The following ROBO2 variants were observed in gnomAD, a reference collection of about 807,000 sequenced individuals.
The protein encoded by ROBO2 is roundabout guidance receptor 2.
ROBO2 carries 53 observed loss-of-function variants against 160.8 expected under a neutral mutation model. The observed-to-expected ratio is 0.33, with a 90% CI of 0.26 to 0.41. The LOEUF is 0.41. ROBO2 is among the 10% of genes least tolerant of loss of function. The pLI, the probability that ROBO2 is intolerant of heterozygous loss-of-function variation, is 1.00. For missense variants in ROBO2, 1,577 were observed against 1,722.4 expected, an observed-to-expected ratio of 0.92 and a Z score of 1.49; for synonymous variants, 664 against 611.7, an observed-to-expected ratio of 1.09 and a Z score of -1.26.
intron 2 of ROBO2, among the ~76,000 whole-genome samples, chr3:77,277,993 C>G (rs2060002059): frequency 6.6e-6 from 1 of 152,112 alleles, no homozygotes; most frequent in Non-Finnish European, 1.5e-5. Flanking sequence ...TTTTAATAAT[C>G]ACCATTCTGA....
intron 2 of ROBO2, among the ~76,000 whole-genome samples, chr3:76,686,389 A>C (rs2092686173): frequency 6.6e-6 from 1 of 152,120 alleles, no homozygotes; most frequent in Admixed American, 6.6e-5. Flanking sequence ...AATTACTTAA[A>C]AAGAATCCAT....
At chr3:77,585,118 C>T (rs1033956183) in intron 16 of ROBO2, among the ~76,000 whole-genome samples, 2 of 150,978 alleles carry the variant, frequency 1.3e-5, no homozygotes, top group South Asian at 2.1e-4. Context: ...TGTCAAATAA[C>T]GTATTTTCCT....
intron 2 of ROBO2, among the ~76,000 whole-genome samples, chr3:76,775,266 A>G (rs1190822083): frequency 6.6e-6 from 1 of 150,702 alleles, no homozygotes; most frequent in Non-Finnish European, 1.5e-5. Context: ...GCGCATCTTG[A>G]AGTTATATAA....
At chr3:76,484,101 G>A (rs138860274) in intron 2 of ROBO2, among the ~76,000 whole-genome samples, 6 of 152,144 alleles carry the variant, frequency 3.9e-5, no homozygotes, top group African/African-American at 1.4e-4. Context: ...TTGCTGTGTC[G>A]AATGATATTT....
chr3:76,822,406 C>G (rs1334392203), intron 2 of ROBO2, among the ~76,000 whole-genome samples: 1 of 151,798 alleles, frequency 6.6e-6, no homozygotes, highest in African/African-American at 2.4e-5. Flanking sequence ...AATTTTATTA[C>G]TATAACAATG....
chr3:76,831,522 A>G (rs1271816361), intron 2 of ROBO2, among the ~76,000 whole-genome samples: 1 of 152,142 alleles, frequency 6.6e-6, no homozygotes, highest in Non-Finnish European at 1.5e-5. Flanking sequence ...ATATGAGGCC[A>G]TGTTTTTCAG....
intron 2 of ROBO2, among the ~76,000 whole-genome samples, chr3:76,355,783 ATT>A (rs1237860967): frequency 2.0e-5 from 3 of 151,710 alleles, no homozygotes; most frequent in Non-Finnish European, 3.0e-5. Flanking sequence ...GGGAGCTACG[ATT>A]TTTTTGGTGA....
intron 2 of ROBO2, among the ~76,000 whole-genome samples, chr3:76,461,955 T>C (rs1328051026): frequency 6.6e-6 from 1 of 152,126 alleles, no homozygotes; most frequent in Non-Finnish European, 1.5e-5. Flanking sequence ...AAGGACCAGA[T>C]TAAGTCCCTT....
At chr3:76,099,480 C>T (rs544003944) in intron 2 of ROBO2, among the ~76,000 whole-genome samples, 8 of 151,892 alleles carry the variant, frequency 5.3e-5, no homozygotes, top group East Asian at 1.9e-4. Flanking sequence ...TTCTAAAATA[C>T]GAATGAGCTA....
At chr3:77,224,993 T>G (rs1274524163) in intron 2 of ROBO2, among the ~76,000 whole-genome samples, 1 of 151,886 alleles carries the variant, frequency 6.6e-6, no homozygotes, top group Non-Finnish European at 1.5e-5. Context: ...TATGATTTTT[T>G]TACTTTTATT....
chr3:76,617,281 G>GTA lies in ROBO2; in HGVS notation c.110-480716_110-480715dup, dbSNP rs140513831. 7.2e-3 allele frequency among the ~76,000 whole-genome samples: 1,081 copies of GTA among 150,650 alleles called. 14 individuals are homozygous for GTA. Among genetic ancestry groups the GTA allele is most frequent in the African/African-American group, 0.023 (930 of 40,920 alleles). On this transcript the variant is annotated intron_variant, in intron 2 of 26. Transcript: ENST00000487694. ...AAGCCTAGTAAGTTAACCCTTTATTGTATATATATATATATATAAGGATTA... is the reference window on the plus strand; with the variant it reads ...AAGCCTAGTAAGTTAACCCTTTATTGTATATATATATATATATATAAGGATTA...
chr3:76,469,164 T>C (rs1048380707), intron 2 of ROBO2, among the ~76,000 whole-genome samples: 1 of 152,078 alleles, frequency 6.6e-6, no homozygotes, highest in African/African-American at 2.4e-5. Context: ...TACCTCAAAA[T>C]GTATTTTGAA....
intron 2 of ROBO2, among the ~76,000 whole-genome samples, chr3:76,816,370 G>A (rs1051029124): frequency 3.9e-5 from 6 of 151,948 alleles, no homozygotes; most frequent in Non-Finnish European, 7.4e-5. Context: ...AGCGCCATGC[G>A]GTATTCGATA....
At chr3:76,548,013 C>T (rs1352850824) in intron 2 of ROBO2, among the ~76,000 whole-genome samples, 1 of 152,076 alleles carries the variant, frequency 6.6e-6, no homozygotes, top group Non-Finnish European at 1.5e-5. Flanking sequence ...AGATCAGTAT[C>T]TTTTTAATAG....
chr3:76,856,368 T>G lies in ROBO2; in HGVS notation c.110-241646T>G, dbSNP rs77208802. Among the ~76,000 whole-genome samples, 1,230 of 152,332 alleles carry G rather than the reference T, an allele frequency of 8.1e-3. 22 individuals carry two copies. The highest frequency in any genetic ancestry group is 0.027 in the African/African-American group (1,142 of 41,570). On this transcript the variant is annotated intron_variant, in intron 2 of 26. Transcript: ENST00000487694. ...GACACATATATGGTAAAATGATTAC[T>G]ACAGTGGAACAAATGAACATAGCCA...
At chr3:76,648,561 C>T (rs938755253) in intron 2 of ROBO2, among the ~76,000 whole-genome samples, 1 of 151,880 alleles carries the variant, frequency 6.6e-6, no homozygotes, top group Non-Finnish European at 1.5e-5. Flanking sequence ...AGTATGATAA[C>T]TGTATTGTGA....
intron 5 of ROBO2, among the ~76,000 whole-genome samples, chr3:77,502,723 G>A (rs1348138710): frequency 3.3e-5 from 5 of 152,120 alleles, no homozygotes; most frequent in Non-Finnish European, 7.4e-5. Flanking sequence ...AATGATTTAC[G>A]TAGCATTTAG....
chr3:76,395,003 C>A (rs2077356472), intron 2 of ROBO2, among the ~76,000 whole-genome samples: 1 of 152,136 alleles, frequency 6.6e-6, no homozygotes, highest in Admixed American at 6.6e-5. Context: ...AACTCTCCAC[C>A]CCAAATCAAC....
At chr3:76,273,230 A>C (rs1238452976) in intron 2 of ROBO2, among the ~76,000 whole-genome samples, 1 of 147,760 alleles carries the variant, frequency 6.8e-6, no homozygotes, top group Non-Finnish European at 1.5e-5. Flanking sequence ...TGACTTCTAC[A>C]GTGAGACTCA....
Sources: gnomAD v4.1 joint callset for allele counts (sites outside exome capture counted in the v4.1 genomes callset) on GRCh38, gnomAD v4.1.1 for gene constraint, MANE v1.5 for transcripts, NCBI Gene and HGNC (gene_info 2026-07-23, HGNC 2026-07-21) for gene names.